The following GALNTL6 variants were observed in gnomAD, a reference collection of about 807,000 sequenced individuals.
The protein encoded by GALNTL6 is polypeptide N-acetylgalactosaminyltransferase-like 6.
Under a neutral mutation model 73.7 loss-of-function variants are expected in GALNTL6, and 46 were observed. The ratio of observed to expected loss-of-function variants is 0.62; its 90% CI spans 0.49 to 0.80. The LOEUF (loss-of-function observed/expected upper bound fraction) is 0.80. Ranked by LOEUF, GALNTL6 falls within the 30% of genes least tolerant of loss-of-function variation. The probability of loss-of-function intolerance (pLI) is 0.00; values close to 1 mark genes in which losing one functional copy is unlikely to be tolerated. For synonymous variants in GALNTL6, 259 were observed against 263.7 expected, an observed-to-expected ratio of 0.98 and a Z score of 0.17; for missense variants, 604 against 755.0, an observed-to-expected ratio of 0.80 and a Z score of 2.34.
chr4:171,868,881 A>G (rs964208070), intron 2 of GALNTL6, among the ~76,000 whole-genome samples: 30 of 152,036 alleles, frequency 2.0e-4, no homozygotes, highest in African/African-American at 6.5e-4. Flanking sequence ...GGGTTTCACC[A>G]TGTTGGCCAG....
chr4:172,814,204 C>A (rs561608321), intron 7 of GALNTL6, among the ~76,000 whole-genome samples: 17 of 152,104 alleles, frequency 1.1e-4, no homozygotes, highest in Non-Finnish European at 2.2e-4. Flanking sequence ...CAGGTGTTCC[C>A]ACAACTGAAA....
intron 7 of GALNTL6, among the ~76,000 whole-genome samples, chr4:172,878,704 A>G (rs1389597219): frequency 6.6e-6 from 1 of 151,888 alleles, no homozygotes; most frequent in Non-Finnish European, 1.5e-5. Flanking sequence ...AAAAGAAGAC[A>G]AAAAATGGGG....
At chr4:172,818,801 G>T (rs374302455) in intron 7 of GALNTL6, among the ~76,000 whole-genome samples, 1 of 152,182 alleles carries the variant, frequency 6.6e-6, no homozygotes, top group Non-Finnish European at 1.5e-5. Context: ...GTTTTGCCAT[G>T]TTGGTCAGGC....
chr4:171,908,042 CT>C lies in GALNTL6; in HGVS notation c.138+93325del, dbSNP rs1185294016. On this transcript the variant is annotated intron_variant, in intron 2 of 12. Transcript: ENST00000506823. ...CGTTAGACCTAAAACCATAAAAACCCTAGAAGAAAACCTAGGCATTACCATT... is the reference window on the plus strand; with the variant it reads ...CGTTAGACCTAAAACCATAAAAACCCAGAAGAAAACCTAGGCATTACCATT... Among the ~76,000 whole-genome samples the C allele has an allele frequency of 2.6e-5, 4 of 151,978 alleles. No homozygotes were observed. In the East Asian group the frequency reaches 7.7e-4, roughly 29 times the overall value.
chr4:172,990,223 TCCTTATTGCAC>T (rs1751478817), intron 10 of GALNTL6, among the ~76,000 whole-genome samples: 1 of 152,326 alleles, frequency 6.6e-6, no homozygotes, highest in East Asian at 1.9e-4. Flanking sequence ...AGAAAGCAGA[TCCTTATTGCAC>T]CTATGCAAAT....
chr4:172,254,367 C>T (rs1279456531), intron 3 of GALNTL6, among the ~76,000 whole-genome samples: 8 of 151,720 alleles, frequency 5.3e-5, no homozygotes. Context: ...TCTTTTAACT[C>T]AGTTCTGCCT....
intron 5 of GALNTL6, among the ~76,000 whole-genome samples, chr4:172,568,917 T>C (rs948324298): frequency 6.6e-6 from 1 of 152,136 alleles, no homozygotes; most frequent in Non-Finnish European, 1.5e-5. Flanking sequence ...CTTGTGATTT[T>C]TTTTTTTAGC....
intron 2 of GALNTL6, among the ~76,000 whole-genome samples, chr4:172,227,534 G>A (rs1736910072): frequency 6.6e-6 from 1 of 152,064 alleles, no homozygotes; most frequent in Admixed American, 6.6e-5. Context: ...ATTAAAAATG[G>A]TCAATCTTTA....
chr4:171,868,654 C>A (rs957404493), intron 2 of GALNTL6, among the ~76,000 whole-genome samples: 2 of 152,106 alleles, frequency 1.3e-5, no homozygotes, highest in African/African-American at 4.8e-5. Context: ...ATTCTTGAAT[C>A]GAGCCTTCTC....
intron 5 of GALNTL6, among the ~76,000 whole-genome samples, chr4:172,799,792 A>G (rs1032274681): frequency 2.0e-5 from 3 of 152,196 alleles, no homozygotes; most frequent in Non-Finnish European, 4.4e-5. Flanking sequence ...ACTGAAAGCA[A>G]TCTCTTGAAG....
chr4:172,650,858 A>G (rs1740444139), intron 5 of GALNTL6, among the ~76,000 whole-genome samples: 1 of 152,220 alleles, frequency 6.6e-6, no homozygotes, highest in African/African-American at 2.4e-5. Flanking sequence ...AAAAAATTGC[A>G]TATATGAGGC....
At chr4:172,329,782 GA>G (rs1741064445) in intron 4 of GALNTL6, among the ~76,000 whole-genome samples, 1 of 152,186 alleles carries the variant, frequency 6.6e-6, no homozygotes, top group South Asian at 2.1e-4. Flanking sequence ...GTCCCCCTGG[GA>G]ACTCCATCTC....
At chr4:172,057,868 C>T (rs1011462758) in intron 2 of GALNTL6, among the ~76,000 whole-genome samples, 7 of 150,750 alleles carry the variant, frequency 4.6e-5, no homozygotes, top group East Asian at 1.9e-4. Context: ...GTTTTTAACA[C>T]GATTTATTAT....
chr4:171,815,397 T>G, intron 2 of GALNTL6: 1 of 152,478 alleles, frequency 6.6e-6, no homozygotes, highest in African/African-American at 2.4e-5. Context: ...ATAATATGTT[T>G]TCTTTCTACT....
intron 10 of GALNTL6, among the ~76,000 whole-genome samples, chr4:172,976,720 G>C (rs1750827547): frequency 6.6e-6 from 1 of 152,144 alleles, no homozygotes; most frequent in Admixed American, 6.5e-5. Flanking sequence ...ATTTCAGCCT[G>C]GTCCACACAG....
chr4:172,465,947 A>T (rs1396766510), intron 5 of GALNTL6, among the ~76,000 whole-genome samples: 1 of 152,202 alleles, frequency 6.6e-6, no homozygotes, highest in African/African-American at 2.4e-5. Flanking sequence ...TTGGTTTCCC[A>T]TCCTAAAAGT....
chr4:172,675,932 T>C (rs958320593), intron 5 of GALNTL6, among the ~76,000 whole-genome samples: 12 of 152,170 alleles, frequency 7.9e-5, no homozygotes, highest in Non-Finnish European at 8.8e-5. Flanking sequence ...AATCCTCAAA[T>C]TGGATTCCTT....
intron 2 of GALNTL6, among the ~76,000 whole-genome samples, chr4:171,841,852 C>G (rs1735247737): frequency 6.6e-6 from 1 of 151,626 alleles, no homozygotes; most frequent in African/African-American, 2.4e-5. Flanking sequence ...GCAATGTCCT[C>G]CCAAAACTGA....
intron 5 of GALNTL6, among the ~76,000 whole-genome samples, chr4:172,363,657 A>C (rs941579619): frequency 1.3e-5 from 2 of 151,978 alleles, no homozygotes; most frequent in African/African-American, 4.8e-5. Context: ...CTACCAATTA[A>C]CTCTTTGAAG....
Sources: gnomAD v4.1 joint callset for allele counts (sites outside exome capture counted in the v4.1 genomes callset) on GRCh38, gnomAD v4.1.1 for gene constraint, MANE v1.5 for transcripts, NCBI Gene and HGNC (gene_info 2026-07-23, HGNC 2026-07-21) for gene names.